Variants in MRPS18A observed in about 807,000 individuals in gnomAD.
MRPS18A encodes large ribosomal subunit protein mL66.
MRPS18A carries 20 observed loss-of-function variants against 22.7 expected under a neutral mutation model. That is an observed-to-expected ratio of 0.88 (90% CI 0.62 to 1.28). The LOEUF (loss-of-function observed/expected upper bound fraction) is 1.28. MRPS18A is among the 50% of genes most tolerant of loss of function. The probability of loss-of-function intolerance (pLI) is 0.00; values close to 1 mark genes in which losing one functional copy is unlikely to be tolerated. For missense variants in MRPS18A, 294 were observed against 262.6 expected (o/e 1.12, Z -0.83); for synonymous variants, 106 against 99.1 (o/e 1.07, Z -0.41).
At chr6:43,683,229 T>A (rs2127952618) in intron 1 of MRPS18A, among the ~76,000 whole-genome samples, 1 of 152,258 alleles carries the variant, frequency 6.6e-6, no homozygotes, top group African/African-American at 2.4e-5. Flanking sequence ...CAGCGAATCA[T>A]CTTACTAGAA....
intron 4 of MRPS18A, 63 bp from the exon 5 acceptor site, chr6:43,675,334 G>A (rs1268067522): frequency 1.3e-6 from 2 of 1,571,590 alleles, no homozygotes; most frequent in Admixed American, 1.7e-5. Context: ...GGGGGCCAGA[G>A]GGAAAGCCCA....
At chr6:43,685,614 C>T (rs142450796) in intron 1 of MRPS18A, among the ~76,000 whole-genome samples, 51 of 152,258 alleles carry the variant, frequency 3.3e-4, no homozygotes, top group African/African-American at 1.2e-3. Context: ...GCTCAGTCCT[C>T]AAGAGCTGAC....
intron 1 of MRPS18A, 132 bp from the exon 2 acceptor site, chr6:43,681,252 G>C (rs1010744688): frequency 3.8e-5 from 35 of 930,360 alleles, no homozygotes; most frequent in Non-Finnish European, 4.9e-5. Flanking sequence ...TCTCCACCTA[G>C]AACAGAAAGC....
intron 5 of MRPS18A, chr6:43,672,255 G>T (rs113730642): frequency 9.7e-5 from 42 of 434,814 alleles, no homozygotes; most frequent in African/African-American, 8.5e-4. Flanking sequence ...TCAGCCATGG[G>T]GCGAGAAGAG....
chr6:43,686,573 G>C (rs1358201919), intron 1 of MRPS18A, among the ~76,000 whole-genome samples: 1 of 152,174 alleles, frequency 6.6e-6, no homozygotes, highest in African/African-American at 2.4e-5. Context: ...CTGTTTGAAA[G>C]CTACAAAGAG....
intron 5 of MRPS18A, chr6:43,672,558 A>C (rs1167397091): frequency 2.4e-6 from 1 of 409,932 alleles, no homozygotes; most frequent in Non-Finnish European, 5.1e-6. Flanking sequence ...GCCGGCTAGG[A>C]TTGGGTTTTA....
At chr6:43,681,040 A>G in intron 2 of MRPS18A, 49 bp downstream of exon 2, 3 of 1,588,764 alleles carry the variant, frequency 1.9e-6, no homozygotes, top group Non-Finnish European at 2.6e-6. Flanking sequence ...GCGGCCAGGC[A>G]GCTCCAAGCG....
At chr6:43,680,067 C>T (rs1233892351) in intron 2 of MRPS18A, among the ~76,000 whole-genome samples, 2 of 152,214 alleles carry the variant, frequency 1.3e-5, no homozygotes, top group Non-Finnish European at 2.9e-5. Flanking sequence ...TGAGGGCTCT[C>T]ATAGGCCACA....
At chr6:43,681,007 G>A in intron 2 of MRPS18A, 82 bp downstream of exon 2, 4 of 1,359,394 alleles carry the variant, frequency 2.9e-6, no homozygotes, top group South Asian at 2.4e-5. Flanking sequence ...CGTCCAGTTT[G>A]GGCCCCTCCC....
At chr6:43,679,562 C>T (rs1485235291) in intron 2 of MRPS18A, among the ~76,000 whole-genome samples, 3 of 152,150 alleles carry the variant, frequency 2.0e-5, no homozygotes, top group Non-Finnish European at 2.9e-5. Context: ...AATAAACCAA[C>T]GACCTGGGAA....
At position 43,671,437 on chromosome 6, in the gene MRPS18A, A is replaced by G. The variant is rs556232169; in HGVS notation, c.*325T>C. 316 of 434,660 alleles carry G rather than the reference A, an allele frequency of 7.3e-4. 1 individual carries two copies. Among genetic ancestry groups the G allele is most frequent in the Admixed American group, 2.8e-3 (72 of 25,782 alleles). The allele number at this position is 434,660 out of a possible 1,614,324, so 26.9% of individuals were successfully genotyped here. On this transcript the variant is annotated 3_prime_UTR_variant, in exon 6 of 6. Coordinates refer to ENST00000372133, the MANE Select transcript of MRPS18A (RefSeq NM_018135.4). ...GACCCCCTGCACTTCCCAAGCAGTGAGCGCACACCCAATGGGTAAGCCCAT... is the reference window on the plus strand; with the variant it reads ...GACCCCCTGCACTTCCCAAGCAGTGGGCGCACACCCAATGGGTAAGCCCAT...
At position 43,675,504 on chromosome 6, in the gene MRPS18A, G is replaced by A; in HGVS notation, c.366C>T (p.Ala122=). Residue 122 remains alanine (A), a synonymous_variant, in exon 4 of 6, where the codon GCC becomes GCT. Coordinates refer to ENST00000372133, the MANE Select transcript of MRPS18A (RefSeq NM_018135.4). ...HRKIEECVKM[A]HRAGLLPNHR... The stretch of plus-strand genomic sequence containing the variant: ...CCCAGGGCCTTCTACCTGCTCGGTG[G>A]GCCATCTTCACACACTCCTCGATCT... The A allele has an allele frequency of 6.2e-7, 1 of 1,614,188 alleles. No homozygotes were observed. The highest frequency in any genetic ancestry group is 1.1e-5 in the South Asian group (1 of 91,086).
intron 1 of MRPS18A, among the ~76,000 whole-genome samples, chr6:43,687,439 A>C (rs575447369): frequency 3.0e-4 from 46 of 152,316 alleles, no homozygotes; most frequent in African/African-American, 1.1e-3. Flanking sequence ...CTAAGTAAGC[A>C]GGCTTTTCTC....
At chr6:43,676,653 G>A (rs1334894922) in intron 3 of MRPS18A, among the ~76,000 whole-genome samples, 1 of 152,214 alleles carries the variant, frequency 6.6e-6, no homozygotes, top group Non-Finnish European at 1.5e-5. Context: ...ACCAGCCTGA[G>A]CAACACAGCA....
At chr6:43,681,505 C>A (rs1475810498) in intron 1 of MRPS18A, among the ~76,000 whole-genome samples, 10 of 152,222 alleles carry the variant, frequency 6.6e-5, no homozygotes, top group Non-Finnish European at 1.5e-4. Flanking sequence ...CAAAAGTACG[C>A]AGGCGGTGTG....
chr6:43,686,717 T>C (rs1774721832), intron 1 of MRPS18A, among the ~76,000 whole-genome samples: 1 of 152,224 alleles, frequency 6.6e-6, no homozygotes. Context: ...TGCCCAATAC[T>C]ATGCCAGATC....
At chr6:43,672,078 GTA>G in intron 5 of MRPS18A, 172 bp from the exon 6 acceptor site, 1 of 771,850 alleles carries the variant, frequency 1.3e-6, no homozygotes, top group Middle Eastern at 3.7e-4. Flanking sequence ...TGAGCGTCCT[GTA>G]AACAGATGGG....
intron 2 of MRPS18A, 79 bp downstream of exon 2, chr6:43,681,009 GC>G (rs370008788): frequency 2.1e-6 from 3 of 1,422,336 alleles, no homozygotes; most frequent in African/African-American, 2.8e-5. Context: ...TCCAGTTTGG[GC>G]CCCTCCCTCC....
chr6:43,682,482 C>T (rs1269920602), intron 1 of MRPS18A, among the ~76,000 whole-genome samples: 3 of 152,186 alleles, frequency 2.0e-5, no homozygotes, highest in Non-Finnish European at 4.4e-5. Flanking sequence ...CATAAAGACT[C>T]ACTGCTCCAA....
Sources: gnomAD v4.1 joint callset for allele counts (sites outside exome capture counted in the v4.1 genomes callset) on GRCh38, gnomAD v4.1.1 for gene constraint, MANE v1.5 for transcripts, NCBI Gene and HGNC (gene_info 2026-07-23, HGNC 2026-07-21) for gene names.